ZNF148: variants seen among roughly 807,000 people sequenced by gnomAD.
ZNF148 encodes the protein Beta-Enolase Repressor Factor-1.
In ZNF148, 7 loss-of-function variants were observed where a neutral mutation model predicts 67.7. The ratio of observed to expected loss-of-function variants is 0.10; its 90% CI spans 0.06 to 0.19. ZNF148 has a LOEUF of 0.19. Ranked by LOEUF, ZNF148 falls within the 10% of genes least tolerant of loss-of-function variation. The probability of loss-of-function intolerance (pLI) is 1.00; values close to 1 mark genes in which losing one functional copy is unlikely to be tolerated. For missense variants in ZNF148, 583 were observed against 947.1 expected (o/e 0.62, Z 5.05); for synonymous variants, 333 against 330.7 (o/e 1.01, Z -0.08).
chr3:125,255,472 C>T (rs1012577582), intron 7 of ZNF148, among the ~76,000 whole-genome samples: 1 of 151,990 alleles, frequency 6.6e-6, no homozygotes. Flanking sequence ...GTCTCGAACT[C>T]CTGACCTCAA....
rs543588833 is a variant in ZNF148 at position 125,340,564 on chromosome 3, A to C, written c.-233-9326T>G. On this transcript the variant is annotated intron_variant, in intron 1 of 8. Coordinates refer to ENST00000360647, the MANE Select transcript of ZNF148 (RefSeq NM_021964.3). ...GCATGGGGAAACCCCTTCCAGTGGG[A>C]GCTCCAGTAGGATCAAACAAACCAA... 7.2e-5 allele frequency among the ~76,000 whole-genome samples: 11 copies of C among 152,338 alleles called. No homozygotes were observed. In the East Asian group the frequency reaches 1.5e-3, roughly 21 times the overall value.
At chr3:125,298,618 A>ATTTTTTTTTTTTTTTTTTTTTTTTTT (rs11312460) in intron 4 of ZNF148, among the ~76,000 whole-genome samples, 1 of 102,658 alleles carries the variant, frequency 9.7e-6, no homozygotes. Context: ...TTTATATTAA[A>ATTTTTTTTTTTTTTTTTTTTTTTTTT]TTTTTTTTTT....
At chr3:125,279,370 T>A (rs1304952040) in intron 5 of ZNF148, 123 bp from the exon 6 acceptor site, 1 of 829,940 alleles carries the variant, frequency 1.2e-6, no homozygotes, top group East Asian at 2.9e-5. Context: ...ATTTTGTTCT[T>A]AAATGATCTT....
chr3:125,330,813 G>C (rs1025809632), intron 2 of ZNF148, among the ~76,000 whole-genome samples: 12 of 152,052 alleles, frequency 7.9e-5, no homozygotes, highest in Non-Finnish European at 1.8e-4. Context: ...TAAAAGCATA[G>C]GTTTAATATA....
chr3:125,304,475 T>C (rs1939767430), intron 4 of ZNF148, among the ~76,000 whole-genome samples: 1 of 152,020 alleles, frequency 6.6e-6, no homozygotes, highest in African/African-American at 2.4e-5. Flanking sequence ...AGGAGAAAGG[T>C]ATCCACGCAG....
At chr3:125,324,338 C>T (rs1030562357) in intron 2 of ZNF148, among the ~76,000 whole-genome samples, 1 of 152,010 alleles carries the variant, frequency 6.6e-6, no homozygotes, top group African/African-American at 2.4e-5. Flanking sequence ...ATAAATTCAA[C>T]ATAAAATTCT....
At chr3:125,278,306 T>C (rs1938183752) in intron 6 of ZNF148, among the ~76,000 whole-genome samples, 1 of 152,118 alleles carries the variant, frequency 6.6e-6, no homozygotes, top group Non-Finnish European at 1.5e-5. Flanking sequence ...CTGGGGCTTT[T>C]CCTTTTAAGG....
intron 2 of ZNF148, among the ~76,000 whole-genome samples, chr3:125,330,465 C>CAAAAAAAAAAAAAAA (rs200643048): frequency 4.2e-5 from 5 of 118,480 alleles, no homozygotes; most frequent in African/African-American, 1.6e-4. Context: ...AACCCTATCT[C>CAAAAAAAAAAAAAAA]AAAAAAAAAA....
rs1468606262 is a variant in ZNF148, at chr3:125,225,837, G to T, written c.*6504C>A. ...TCAGTGGTATTATTATGTACAATTG[G>T]TTAAAGCACCATGCTAATAATAAGG... On this transcript the variant is annotated 3_prime_UTR_variant, in exon 9 of 9. Coordinates refer to ENST00000360647, the MANE Select transcript of ZNF148 (RefSeq NM_021964.3). 2.0e-5 allele frequency: 3 copies of T among 152,092 alleles called. No individual in the cohort carries two copies. The highest frequency in any genetic ancestry group is 2.9e-5 in the Non-Finnish European group (2 of 68,018). 9.4% of individuals were successfully genotyped at this position (152,092 alleles called of 1,614,324 possible).
chr3:125,319,074 A>G (rs1940654456), intron 3 of ZNF148, among the ~76,000 whole-genome samples: 1 of 152,108 alleles, frequency 6.6e-6, no homozygotes, highest in African/African-American at 2.4e-5. Flanking sequence ...GCCTAACTGC[A>G]GTGGCTTAGG....
Position 125,232,359 on chromosome 3 carries a change from A to C in ZNF148, c.2367T>G (p.Thr789=). The change falls in exon 9 of 9, where the codon ACT becomes ACG. Residue 789 remains threonine, a synonymous_variant. Transcript: ENST00000360647. The surrounding 1 kb of genome is among the most constrained non-coding windows in gnomAD (Gnocchi z 4.2). ...TTTTTTTTTAGCCAAAAGTCTGGCC[A>C]GTTGTGGCATCAGGTGAAGATGTCA... ...AGMTSSPDAT[T]GQTFG is the part of the protein sequence containing the mutation. 1 of 1,591,284 alleles carries C rather than the reference A, an allele frequency of 6.3e-7. No individual in the cohort carries two copies. Among genetic ancestry groups the C allele is most frequent in the Non-Finnish European group, 8.6e-7 (1 of 1,165,832 alleles).
intron 5 of ZNF148, among the ~76,000 whole-genome samples, chr3:125,286,665 A>C (rs1487323958): frequency 6.6e-6 from 1 of 152,206 alleles, no homozygotes; most frequent in Non-Finnish European, 1.5e-5. Flanking sequence ...ATCTATTAAG[A>C]AATAGATTAT....
intron 1 of ZNF148, among the ~76,000 whole-genome samples, chr3:125,361,668 T>A (rs4679390): frequency 0.78 from 118,386 of 151,932 alleles, 46,733 homozygotes; most frequent in African/African-American, 0.88. Context: ...CCCTGTCTCC[T>A]TTAAAAATAC....
At chr3:125,315,870 CA>C (rs1940466751) in intron 3 of ZNF148, among the ~76,000 whole-genome samples, 1 of 152,144 alleles carries the variant, frequency 6.6e-6, no homozygotes, top group African/African-American at 2.4e-5. Flanking sequence ...ACAAACAACC[CA>C]ATTACACTCT....
rs952468249 is a variant in ZNF148, at chr3:125,253,984, T to C, written c.668-19655A>G. Reference sequence around the variant, plus strand: ...GTTTTCTGGGAGAGTAAGACTAGCATTATTTTTTCCTTAAACATCTAGAAG... The same window carrying C: ...GTTTTCTGGGAGAGTAAGACTAGCACTATTTTTTCCTTAAACATCTAGAAG... On this transcript the variant is annotated intron_variant, in intron 7 of 8. Transcript: ENST00000360647. 7.6e-4 allele frequency among the ~76,000 whole-genome samples: 115 copies of C among 152,280 alleles called. 1 individual carries two copies. The highest frequency in any genetic ancestry group is 2.7e-3 in the African/African-American group (112 of 41,558).
Position 125,231,464 on chromosome 3 carries a change from G to C in ZNF148, c.*877C>G, listed in dbSNP as rs1935850565. The stretch of plus-strand genomic sequence containing the variant: ...TATATGTAAAGTAAAATACAATTAA[G>C]CTTTAAAACGTGGAATATACATTTT... On this transcript the variant is annotated 3_prime_UTR_variant, in exon 9 of 9. Transcript: ENST00000360647. 6.6e-6 allele frequency: 1 copy of C among 152,398 alleles called. No homozygotes were observed. Among genetic ancestry groups the C allele is most frequent in the Non-Finnish European group, 1.5e-5 (1 of 67,936 alleles). 9.4% of individuals were successfully genotyped at this position (152,398 alleles called of 1,614,324 possible).
At chr3:125,357,784 A>T (rs1298681769) in intron 1 of ZNF148, 1 of 152,290 alleles carries the variant, frequency 6.6e-6, no homozygotes, top group Non-Finnish European at 1.5e-5. Context: ...AGAACCAGTT[A>T]TCAATAGTAT....
At chr3:125,307,718 C>T (rs1358788943) in intron 4 of ZNF148, among the ~76,000 whole-genome samples, 1 of 152,090 alleles carries the variant, frequency 6.6e-6, no homozygotes, top group African/African-American at 2.4e-5. Context: ...GATCTTGGCT[C>T]ACTGCAACCT....
At chr3:125,280,811 G>A (rs1210844743) in intron 5 of ZNF148, among the ~76,000 whole-genome samples, 8 of 137,220 alleles carry the variant, frequency 5.8e-5, no homozygotes, top group African/African-American at 2.2e-4. Flanking sequence ...AAGAAAACTA[G>A]AAGATCTGAT....
Sources: allele counts gnomAD v4.1 joint callset (sites outside exome capture counted in the v4.1 genomes callset), GRCh38; gene constraint gnomAD v4.1.1; non-coding constraint Gnocchi (gnomAD v3.1); transcripts MANE v1.5; gene names NCBI Gene and HGNC (gene_info 2026-07-23, HGNC 2026-07-21).